The following LBR variants were observed in gnomAD, a reference collection of about 807,000 sequenced individuals.
LBR encodes the protein delta(14)-sterol reductase LBR.
Under a neutral mutation model 74.3 loss-of-function variants are expected in LBR, and 28 were observed. The observed-to-expected ratio is 0.38, with a 90% CI of 0.28 to 0.52. The LOEUF (loss-of-function observed/expected upper bound fraction) is 0.52. Among genes scored for constraint, LBR ranks in the 20% least tolerant of loss-of-function variants. The pLI is 0.89. For missense variants in LBR, 717 were observed against 760.3 expected, an observed-to-expected ratio of 0.94 and a Z score of 0.67; for synonymous variants, 228 against 269.3, an observed-to-expected ratio of 0.85 and a Z score of 1.50.
At position 225,419,750 on chromosome 1, in the gene LBR, T is replaced by G. The variant is rs765734421; in HGVS notation, c.415A>C (p.Ile139Leu). ...ISRYNGEPEH[I>L]ERNDAPHKNT... ...TTATGAGGTGCGTCATTTCTCTCAATATGCTCAGGCTCCCCATTATATCTG... is the reference window on the plus strand; with the variant it reads ...TTATGAGGTGCGTCATTTCTCTCAAGATGCTCAGGCTCCCCATTATATCTG... The change falls in exon 4 of 14, where the codon ATT becomes CTT. Residue 139 changes from isoleucine (I) to leucine (L), a missense_variant. Coordinates refer to ENST00000272163, the MANE Select transcript of LBR (RefSeq NM_002296.4). The G allele has an allele frequency of 2.5e-6, 4 of 1,612,796 alleles. No homozygotes were observed. The highest frequency in any genetic ancestry group is 2.5e-6 in the Non-Finnish European group (3 of 1,179,218).
Position 225,415,076 on chromosome 1 carries a change from G to A in LBR, c.892+202C>T, listed in dbSNP as rs113532151. ...TATTAAGAAAATAAAACTGGAGAGT[G>A]GACAAGAGTGACTAAGAGGCTATGT... is the stretch of plus-strand genomic sequence containing the variant. On this transcript the variant is annotated intron_variant, in intron 7 of 13. Coordinates refer to ENST00000272163, the MANE Select transcript of LBR (RefSeq NM_002296.4). Among the ~76,000 whole-genome samples, 4 of 152,304 alleles carry A rather than the reference G, an allele frequency of 2.6e-5. No individual in the cohort carries two copies. In the East Asian group the frequency reaches 7.7e-4, roughly 29 times the overall value.
At chr1:225,416,878 T>C (rs573263933) in intron 6 of LBR, among the ~76,000 whole-genome samples, 1 of 152,322 alleles carries the variant, frequency 6.6e-6, no homozygotes, top group East Asian at 1.9e-4. Context: ...ACACAGGTTA[T>C]ATGCAAATAC....
chr1:225,412,699 C>A lies in LBR; in HGVS notation c.893-54G>T, dbSNP rs1168581090. 5 of 1,484,160 alleles carry A rather than the reference C, an allele frequency of 3.4e-6. No individual in the cohort carries two copies. In the East Asian group the frequency reaches 1.2e-4, roughly 34 times the overall value. 91.9% of individuals were successfully genotyped at this position (1,484,160 alleles called of 1,614,324 possible). ...AAAATTAATATTAACCCAAGGCTCA[C>A]ATGAAACTTACGCCACTATGAAACA... On this transcript the variant is annotated intron_variant, in intron 7 of 13. Coordinates refer to ENST00000272163, the MANE Select transcript of LBR (RefSeq NM_002296.4).
intron 7 of LBR, among the ~76,000 whole-genome samples, chr1:225,414,779 A>AC (rs2096113862): frequency 6.6e-6 from 1 of 152,250 alleles, no homozygotes; most frequent in African/African-American, 2.4e-5. Flanking sequence ...ACAGAAAAAC[A>AC]AAACAGAGCA....
At chr1:225,404,740 C>T (rs2096088000) in intron 11 of LBR, 34 bp from the exon 12 acceptor site, 1 of 1,347,320 alleles carries the variant, frequency 7.4e-7, no homozygotes, top group Non-Finnish European at 1.1e-6. Flanking sequence ...ATGTTAATAA[C>T]TTAGTTATAC....
intron 1 of LBR, among the ~76,000 whole-genome samples, chr1:225,425,501 GT>G (rs1293152420): frequency 3.9e-5 from 6 of 152,142 alleles, no homozygotes; most frequent in Non-Finnish European, 7.4e-5. Context: ...GAGCCCACAA[GT>G]TTTCGGGATG....
At chr1:225,407,522 A>T (rs933780667) in intron 10 of LBR, among the ~76,000 whole-genome samples, 1 of 152,178 alleles carries the variant, frequency 6.6e-6, no homozygotes, top group Non-Finnish European at 1.5e-5. Context: ...ATAAAAGTGC[A>T]TTACTCCCTG....
chr1:225,428,109 G>C (rs909635284), upstream of LBR: 3 of 152,076 alleles, frequency 2.0e-5, no homozygotes, highest in Admixed American at 2.0e-4. Context: ...GCCTCGCGGC[G>C]CTTCTCCCCT....
At chr1:225,414,007 G>A (rs2096111700) in intron 7 of LBR, 1 of 456,612 alleles carries the variant, frequency 2.2e-6, no homozygotes, top group Non-Finnish European at 4.4e-6. Context: ...AAAGGACCTG[G>A]CGGCAAAGTC....
chr1:225,405,409 T>G (rs1187086268), intron 11 of LBR, among the ~76,000 whole-genome samples: 1 of 152,188 alleles, frequency 6.6e-6, no homozygotes, highest in East Asian at 1.9e-4. Context: ...AATGCAACAG[T>G]GTGGAGAGGT....
At chr1:225,419,551 T>A in intron 4 of LBR, 99 bp from the exon 5 acceptor site, 1 of 986,700 alleles carries the variant, frequency 1.0e-6, no homozygotes, top group Non-Finnish European at 1.6e-6. Context: ...TATACACTAG[T>A]AAGAATAAAT....
At chr1:225,413,903 T>A (rs1210748315) in intron 7 of LBR, 3 of 456,698 alleles carry the variant, frequency 6.6e-6, no homozygotes, top group Admixed American at 4.7e-5. Context: ...AGTCTCTGAA[T>A]GTACCACACC....
In LBR at chr1:225,424,057, C is replaced by G; in HGVS notation, c.19G>C (p.Ala7Pro). The G allele has an allele frequency of 6.2e-7, 1 of 1,614,116 alleles. No individual in the cohort carries two copies. Among genetic ancestry groups the G allele is most frequent in the Non-Finnish European group, 8.5e-7 (1 of 1,180,016 alleles). Residue 7 changes from alanine (A) to proline (P), a missense_variant, in exon 2 of 14, where the codon GCC becomes CCC. By Grantham distance (27) the Ala-to-Pro change is conservative (BLOSUM62 -1). Coordinates refer to ENST00000272163, the MANE Select transcript of LBR (RefSeq NM_002296.4). MPSRKF[A>P]DGEVVRGRWP... ...CGACCTCTTACCACTTCACCATCGG[C>G]AAATTTCCTACTTGGCATTTTCTAT...
chr1:225,407,259 A>G (rs1264661894), intron 10 of LBR, among the ~76,000 whole-genome samples: 3 of 152,124 alleles, frequency 2.0e-5, no homozygotes, highest in Non-Finnish European at 4.4e-5. Context: ...CACTACACTA[A>G]AAGCCTCTAA....
intron 1 of LBR, among the ~76,000 whole-genome samples, chr1:225,426,081 A>G (rs1346417822): frequency 1.3e-5 from 2 of 152,234 alleles, no homozygotes; most frequent in African/African-American, 4.8e-5. Flanking sequence ...TCTAAAGCTT[A>G]CTTTTTAAAA....
chr1:225,413,694 C>T (rs1376478213), intron 7 of LBR, among the ~76,000 whole-genome samples: 1 of 152,220 alleles, frequency 6.6e-6, no homozygotes, highest in Non-Finnish European at 1.5e-5. Flanking sequence ...CAGTCTTTTG[C>T]TCTCTAGCCT....
chr1:225,412,337 ACTTCT>A (rs2096107610), intron 8 of LBR, 112 bp downstream of exon 8: 2 of 856,128 alleles, frequency 2.3e-6, no homozygotes, highest in Admixed American at 2.3e-5. Context: ...ATTTTTTCTT[ACTTCT>A]CTTCATTTCC....
chr1:225,411,599 C>T (rs369794723), intron 8 of LBR, among the ~76,000 whole-genome samples, 159 bp from the exon 9 acceptor site: 14 of 152,330 alleles, frequency 9.2e-5, no homozygotes, highest in South Asian at 2.1e-4. Flanking sequence ...CACAGACGAG[C>T]GGAACCAGGA....
At chr1:225,417,672 T>C (rs2096120145) in intron 6 of LBR, 1 of 274,424 alleles carries the variant, frequency 3.6e-6, no homozygotes, top group Non-Finnish European at 7.0e-6. Context: ...AGCCTATTCT[T>C]TTCTATTTGG....
Sources: allele counts gnomAD v4.1 joint callset (sites outside exome capture counted in the v4.1 genomes callset), GRCh38; gene constraint gnomAD v4.1.1; transcripts MANE v1.5; gene names NCBI Gene and HGNC (gene_info 2026-07-23, HGNC 2026-07-21).